MAPK3: variants seen among roughly 807,000 people sequenced by gnomAD.
MAPK3 encodes the protein mitogen-activated protein kinase 3, also known as MAPK 1.
MAPK3 carries 30 observed loss-of-function variants against 41.8 expected under a neutral mutation model. The observed-to-expected ratio is 0.72, with a 90% confidence interval of 0.54 to 0.97. The LOEUF (loss-of-function observed/expected upper bound fraction) is 0.97. Ranked by LOEUF, MAPK3 falls within the 50% of genes least tolerant of loss-of-function variation. The pLI is 0.00. For missense variants in MAPK3, 413 were observed against 509.9 expected, an observed-to-expected ratio of 0.81 and a Z score of 1.83; for synonymous variants, 222 against 213.4, an observed-to-expected ratio of 1.04 and a Z score of -0.35.
At chr16:30,118,946 A>G (rs1205743584) in intron 2 of MAPK3, among the ~76,000 whole-genome samples, 1 of 152,068 alleles carries the variant, frequency 6.6e-6, no homozygotes. Context: ...TGAGACCACC[A>G]GCCTGGGCAA....
intron 2 of MAPK3, among the ~76,000 whole-genome samples, chr16:30,121,043 G>GA (rs953164519): frequency 9.6e-5 from 14 of 146,324 alleles, no homozygotes; most frequent in South Asian, 6.5e-4. Context: ...AGGTGTAATA[G>GA]AAAAAAAAAA....
intron 1 of MAPK3, 53 bp downstream of exon 1, chr16:30,122,987 C>T: frequency 2.2e-6 from 3 of 1,378,004 alleles, no homozygotes; most frequent in East Asian, 3.0e-5. Context: ...CTCCTCCTCT[C>T]CCGCGAAGCC....
chr16:30,117,052 C>T (rs754153153), intron 6 of MAPK3, 49 bp from the exon 7 acceptor site: 14 of 1,593,116 alleles, frequency 8.8e-6, no homozygotes, highest in South Asian at 2.3e-5. Context: ...GGAGGAGCTC[C>T]GAGAAGCATT....
chr16:30,123,014 C>G (rs1281273552), intron 1 of MAPK3, 26 bp downstream of exon 1: 1 of 1,461,388 alleles, frequency 6.8e-7, no homozygotes, highest in Non-Finnish European at 9.1e-7. Flanking sequence ...CCTGAGGGCA[C>G]CCCCTCCCCC....
At chr16:30,119,403 C>T (rs1011248638) in intron 2 of MAPK3, among the ~76,000 whole-genome samples, 1 of 152,078 alleles carries the variant, frequency 6.6e-6, no homozygotes, top group Non-Finnish European at 1.5e-5. Flanking sequence ...CCTTCCACCT[C>T]GGCCTCCCAA....
intron 2 of MAPK3, among the ~76,000 whole-genome samples, chr16:30,121,623 C>G (rs1158783304): frequency 1.3e-5 from 2 of 152,236 alleles, no homozygotes; most frequent in African/African-American, 4.8e-5. Context: ...CGAGGCCATA[C>G]TGCCTGGGCC....
At position 30,118,111 on chromosome 16, in the gene MAPK3, C is replaced by G. The variant is rs1335287328; in HGVS notation, c.596G>C (p.Gly199Ala). ...CGTAGCCACATACTCCGTCAGGAAGCCGGTGTGGTCATGCTCAGGATCGGC... is the reference window on the plus strand; with the variant it reads ...CGTAGCCACATACTCCGTCAGGAAGGCGGTGTGGTCATGCTCAGGATCGGC... ...RIADPEHDHT[G>A]FLTEYVATRW... is the part of the protein sequence containing the mutation. Residue 199 changes from glycine to alanine, a missense_variant, in exon 4 of 9, where the codon GGC becomes GCC. Around this residue, in one of 4 missense-constraint regions of MAPK3, gnomAD observed 140 missense variants for 206.0 expected, o/e 0.68. Transcript: ENST00000263025. 6.2e-7 allele frequency: 1 copy of G among 1,614,032 alleles called. No homozygotes were observed. Among genetic ancestry groups the G allele is most frequent in the Non-Finnish European group, 8.5e-7 (1 of 1,180,038 alleles).
Position 30,123,049 on chromosome 16 carries a change from C to A in MAPK3, c.161G>T (p.Gly54Val). The A allele has an allele frequency of 6.4e-7, 1 of 1,554,014 alleles. No homozygotes were observed. Among genetic ancestry groups the A allele is most frequent in the Non-Finnish European group, 8.7e-7 (1 of 1,150,510 alleles). The part of the protein sequence containing the change: ...QLQYIGEGAY[G>V]MVSSAYDHVR... Reference sequence around the variant, plus strand: ...CGGAACGCCCCCTCACCTGACCATGCCGTACGCGCCCTCGCCGATGTACTG... The same window carrying A: ...CGGAACGCCCCCTCACCTGACCATGACGTACGCGCCCTCGCCGATGTACTG... Residue 54 changes from glycine to valine, a missense_variant, in exon 1 of 9, where the codon GGC becomes GTC. Coordinates refer to ENST00000263025, the MANE Select transcript of MAPK3 (RefSeq NM_002746.3).
chr16:30,122,696 T>C, intron 1 of MAPK3: 1 of 221,680 alleles, frequency 4.5e-6, no homozygotes, highest in Non-Finnish European at 8.9e-6. Flanking sequence ...CCACTGCCTC[T>C]TCACTAAGGA....
At chr16:30,118,188 C>T (rs1474362570) in intron 3 of MAPK3, 25 bp from the exon 4 acceptor site, 1 of 1,609,322 alleles carries the variant, frequency 6.2e-7, no homozygotes, top group African/African-American at 1.3e-5. Context: ...AGCTGCTAAG[C>T]TCGGCGCTCA....
At chr16:30,117,619 C>A in intron 5 of MAPK3, 51 bp downstream of exon 5, 1 of 1,439,446 alleles carries the variant, frequency 6.9e-7, no homozygotes, top group Non-Finnish European at 9.8e-7. Context: ...CGAGAAATCT[C>A]ACCTCGGAAA....
In MAPK3 at chr16:30,118,098, C is replaced by T. The variant is rs2151045651; in HGVS notation, c.609G>A (p.Glu203=). 2 of 1,614,156 alleles carry T rather than the reference C, an allele frequency of 1.2e-6. No individual in the cohort carries two copies. Among genetic ancestry groups the T allele is most frequent in the South Asian group, 1.1e-5 (1 of 91,086 alleles). The change falls in exon 4 of 9, where the codon GAG becomes GAA. Residue 203 remains glutamate (E), a synonymous_variant. Coordinates refer to ENST00000263025, the MANE Select transcript of MAPK3 (RefSeq NM_002746.3). ...PEHDHTGFLT[E]YVATRWYRAP... ...CCCGGTACCAGCGCGTAGCCACATACTCCGTCAGGAAGCCGGTGTGGTCAT... is the reference window on the plus strand; with the variant it reads ...CCCGGTACCAGCGCGTAGCCACATATTCCGTCAGGAAGCCGGTGTGGTCAT...
chr16:30,117,782 G>A lies in MAPK3; in HGVS notation c.663C>T (p.Gly221=), dbSNP rs61764216. 5.2e-5 allele frequency: 84 copies of A among 1,611,412 alleles called. No homozygotes were observed. In the African/African-American group the frequency reaches 1.1e-3, roughly 20 times the overall value. ...RAPEIMLNSK[G]YTKSIDIWSV... is the part of the protein sequence containing the mutation. ...ACCAGATGTCGATGGACTTGGTATAGCCCTGGGGGAGAGGAGGAAGTGGTG... is the reference window on the plus strand; with the variant it reads ...ACCAGATGTCGATGGACTTGGTATAACCCTGGGGGAGAGGAGGAAGTGGTG... The change falls in exon 5 of 9, where the codon GGC becomes GGT. Residue 221 remains glycine (G), a splice_region_variant and synonymous_variant. Coordinates refer to ENST00000263025, the MANE Select transcript of MAPK3 (RefSeq NM_002746.3).
chr16:30,116,953 TG>T lies in MAPK3; in HGVS notation c.957del (p.Thr320GlnfsTer41). ...GGGTGAGCCAGCGCTTCCTCCACTG[TG>T]ATCCGTTTATTGGGGTTAAAGGTTA... The part of the protein sequence containing the change: ...RMLTFNPNKR[I>X]TVEEALAHPY... On this transcript the variant is annotated frameshift_variant, in exon 7 of 9. Coordinates refer to ENST00000263025, the MANE Select transcript of MAPK3 (RefSeq NM_002746.3). LOFTEE classifies it high-confidence loss of function. 1 of 1,613,452 alleles carries T rather than the reference TG, an allele frequency of 6.2e-7. No individual in the cohort carries two copies. Among genetic ancestry groups the T allele is most frequent in the Non-Finnish European group, 8.5e-7 (1 of 1,179,656 alleles).
intron 8 of MAPK3, among the ~76,000 whole-genome samples, chr16:30,114,943 T>C (rs2072940183): frequency 1.3e-5 from 2 of 152,122 alleles, no homozygotes; most frequent in Admixed American, 6.5e-5. Flanking sequence ...GCTTTCATTA[T>C]TAGAACTGTC....
rs149920658 is a variant in MAPK3, at chr16:30,117,767, G to T, written c.678C>A (p.Ile226=). 1 of 1,613,588 alleles carries T rather than the reference G, an allele frequency of 6.2e-7. No homozygotes were observed. The highest frequency in any genetic ancestry group is 1.3e-5 in the African/African-American group (1 of 74,896). ...MLNSKGYTKS[I]DIWSVGCILA... ...GAATGCAGCCCACAGACCAGATGTC[G>T]ATGGACTTGGTATAGCCCTGGGGGA... The change falls in exon 5 of 9, where the codon ATC becomes ATA. Residue 226 remains isoleucine (I), a synonymous_variant. Transcript: ENST00000263025.
Position 30,118,396 on chromosome 16 carries a change from C to G in MAPK3, c.496G>C (p.Asp166His). ...YIHSANVLHR[D>H]LKPSNLLINT... ...ATGAGCAGGTTGGAGGGCTTTAGAT[C>G]TCGGTGGAGCACGTTGGCGGAGTGG... The change falls in exon 3 of 9, where the codon GAT becomes CAT. Residue 166 changes from aspartate (D) to histidine (H), a missense_variant. Asp to His is a moderately conservative substitution (Grantham distance 81, BLOSUM62 -1). Transcript: ENST00000263025. 6.2e-7 allele frequency: 1 copy of G among 1,613,776 alleles called. No individual in the cohort carries two copies. Among genetic ancestry groups the G allele is most frequent in the Non-Finnish European group, 8.5e-7 (1 of 1,179,828 alleles).
At chr16:30,114,745 AC>A (rs1256986156) in intron 8 of MAPK3, 37 bp from the exon 9 acceptor site, 1 of 151,822 alleles carries the variant, frequency 6.6e-6, no homozygotes, top group Non-Finnish European at 1.5e-5. Context: ...AGTCGTTAGC[AC>A]CCCCCGGGCA....
chr16:30,123,012 C>A, intron 1 of MAPK3, 28 bp downstream of exon 1: 5 of 1,436,940 alleles, frequency 3.5e-6, no homozygotes, highest in African/African-American at 1.5e-5. Context: ...CCCCTGAGGG[C>A]ACCCCCTCCC....
Sources: allele counts gnomAD v4.1 joint callset (sites outside exome capture counted in the v4.1 genomes callset), GRCh38; gene constraint gnomAD v4.1.1; regional missense constraint gnomAD v4.1.1; transcripts MANE v1.5; gene names NCBI Gene and HGNC (gene_info 2026-07-23, HGNC 2026-07-21).